Variants in FRMD4A observed in about 807,000 individuals in gnomAD.
The protein encoded by FRMD4A is FERM domain-containing protein 4A.
In FRMD4A, 29 loss-of-function variants were observed where a neutral mutation model predicts 129.1. The observed-to-expected ratio is 0.22, with a 90% confidence interval of 0.17 to 0.31. The LOEUF (loss-of-function observed/expected upper bound fraction) is 0.31, where lower values mean the gene tolerates loss of function less well. Ranked by LOEUF, FRMD4A falls within the 10% of genes least tolerant of loss-of-function variation. FRMD4A has a pLI of 1.00. For synonymous variants in FRMD4A, 634 were observed against 571.6 expected (o/e 1.11, Z -1.56); for missense variants, 1,272 against 1,375.8 (o/e 0.92, Z 1.19).
intron 2 of FRMD4A, among the ~76,000 whole-genome samples, chr10:14,063,178 C>T (rs916146908): frequency 1.3e-5 from 2 of 149,658 alleles, no homozygotes; most frequent in African/African-American, 2.5e-5. Context: ...AATAAATCTG[C>T]TTTTTTTTTT....
intron 8 of FRMD4A, among the ~76,000 whole-genome samples, chr10:13,751,153 A>G (rs1242435901): frequency 6.6e-6 from 1 of 152,176 alleles, no homozygotes; most frequent in Non-Finnish European, 1.5e-5. Flanking sequence ...TCTAAAGTAT[A>G]TTTGGGGAAG....
intron 2 of FRMD4A, among the ~76,000 whole-genome samples, chr10:13,915,754 GCTTT>G (rs970347564): frequency 3.9e-5 from 6 of 152,028 alleles, no homozygotes; most frequent in African/African-American, 1.4e-4. Flanking sequence ...CAAGGAGGTG[GCTTT>G]CTGGAAGCGG....
intron 2 of FRMD4A, among the ~76,000 whole-genome samples, chr10:14,212,360 T>A (rs1051656881): frequency 6.6e-6 from 1 of 152,166 alleles, no homozygotes; most frequent in Non-Finnish European, 1.5e-5. Flanking sequence ...TTCAGCTTCA[T>A]CTAAATGACC....
At chr10:14,315,971 A>G (rs1244755148) in intron 2 of FRMD4A, among the ~76,000 whole-genome samples, 1 of 152,198 alleles carries the variant, frequency 6.6e-6, no homozygotes, top group Non-Finnish European at 1.5e-5. Flanking sequence ...ACTGATCTCC[A>G]ATTCTACCAG....
chr10:14,323,406 A>G (rs1843141839), intron 2 of FRMD4A, among the ~76,000 whole-genome samples: 1 of 152,170 alleles, frequency 6.6e-6, no homozygotes, highest in Non-Finnish European at 1.5e-5. Flanking sequence ...AGACGGTGAG[A>G]TTTGTTCAAA....
chr10:13,950,191 A>G (rs2095361929), intron 2 of FRMD4A, among the ~76,000 whole-genome samples: 1 of 152,234 alleles, frequency 6.6e-6, no homozygotes, highest in Non-Finnish European at 1.5e-5. Context: ...GAGTGGCTTT[A>G]GGGGATGCTA....
chr10:13,784,721 G>A (rs2092812659), intron 5 of FRMD4A, among the ~76,000 whole-genome samples: 1 of 152,160 alleles, frequency 6.6e-6, no homozygotes, highest in South Asian at 2.1e-4. Flanking sequence ...AGGCGCGGTG[G>A]CTCACACCTG....
At chr10:13,762,830 C>T (rs75592950) in intron 6 of FRMD4A, 150 bp from the exon 7 acceptor site, 13,018 of 623,360 alleles carry the variant, frequency 0.021, 614 homozygotes, top group South Asian at 0.11. Flanking sequence ...GCTGCCTCTA[C>T]AGAAAATTTA....
At chr10:14,091,365 T>G (rs1836651933) in intron 2 of FRMD4A, among the ~76,000 whole-genome samples, 1 of 152,142 alleles carries the variant, frequency 6.6e-6, no homozygotes, top group Admixed American at 6.5e-5. Context: ...GCGCTGTGTG[T>G]ATAAAGGTTT....
At chr10:13,720,467 T>C (rs2089307855) in intron 12 of FRMD4A, among the ~76,000 whole-genome samples, 1 of 152,184 alleles carries the variant, frequency 6.6e-6, no homozygotes, top group Admixed American at 6.5e-5. Context: ...GCAACTTTTA[T>C]CCATTCAACA....
intron 13 of FRMD4A, among the ~76,000 whole-genome samples, chr10:13,702,850 C>T (rs7088678): frequency 0.98 from 146,798 of 150,000 alleles, 71,917 homozygotes; most frequent in East Asian, 1. Flanking sequence ...AATTCAGATC[C>T]GGTGGTTAAT....
At chr10:14,323,782 C>T (rs1032525429) in intron 2 of FRMD4A, among the ~76,000 whole-genome samples, 4 of 152,170 alleles carry the variant, frequency 2.6e-5, no homozygotes, top group Non-Finnish European at 5.9e-5. Context: ...CATCTCTGTA[C>T]CCAGTAATTG....
rs1345883085 is a variant in FRMD4A at position 13,643,931 on chromosome 10, C to T, written c.*3107G>A. Reference sequence around the variant, plus strand: ...CAGTCAGTTTCAGGAGCAACCTAATCTTTTTTCCCCCATTATTAAACTAGA... The same window carrying T: ...CAGTCAGTTTCAGGAGCAACCTAATTTTTTTTCCCCCATTATTAAACTAGA... On this transcript the variant is annotated 3_prime_UTR_variant, in exon 25 of 25. Coordinates refer to ENST00000357447, the MANE Select transcript of FRMD4A (RefSeq NM_018027.5). 6.6e-6 allele frequency: 1 copy of T among 152,588 alleles called. No homozygotes were observed. Among genetic ancestry groups the T allele is most frequent in the Non-Finnish European group, 1.5e-5 (1 of 68,028 alleles). 9.5% of individuals were successfully genotyped at this position (152,588 alleles called of 1,614,324 possible). A position where few individuals can be genotyped will look rare whatever the true frequency, so the allele number is the denominator to read the frequency against.
At chr10:14,205,528 C>T (rs905063328) in intron 2 of FRMD4A, among the ~76,000 whole-genome samples, 11 of 152,002 alleles carry the variant, frequency 7.2e-5, no homozygotes, top group Non-Finnish European at 1.6e-4. Context: ...AATTATGGGC[C>T]GGGTGCGGTG....
chr10:14,173,081 G>A (rs1207048666), intron 2 of FRMD4A, among the ~76,000 whole-genome samples: 1 of 152,102 alleles, frequency 6.6e-6, no homozygotes, highest in East Asian at 1.9e-4. Context: ...CATTACACAG[G>A]GCATCAAAGA....
intron 2 of FRMD4A, among the ~76,000 whole-genome samples, chr10:14,128,223 C>T (rs554386714): frequency 1.1e-4 from 17 of 151,704 alleles, no homozygotes; most frequent in African/African-American, 4.1e-4. Context: ...CCCACCTCAG[C>T]CTGCTGAGTA....
rs1170311019 is a variant in FRMD4A, at chr10:14,077,029, C to T, written c.46-218117G>A. Reference sequence around the variant, plus strand: ...GAGAAGATAGCTCTTGGGGGTTTTGCCCTTTGAGCCTCTCACAGAGGTCCT... The same window carrying T: ...GAGAAGATAGCTCTTGGGGGTTTTGTCCTTTGAGCCTCTCACAGAGGTCCT... On this transcript the variant is annotated intron_variant, in intron 2 of 24. Coordinates refer to ENST00000357447, the MANE Select transcript of FRMD4A (RefSeq NM_018027.5). Among the ~76,000 whole-genome samples the T allele has an allele frequency of 3.9e-5, 6 of 152,054 alleles. No homozygotes were observed. The East Asian group carries it at 9.7e-4, about 24-fold the overall frequency.
intron 12 of FRMD4A, among the ~76,000 whole-genome samples, chr10:13,709,959 G>GA (rs1372508816): frequency 4.6e-5 from 7 of 151,994 alleles, no homozygotes; most frequent in Non-Finnish European, 1.0e-4. Context: ...GGTGATTTAT[G>GA]AGATTTTGGT....
chr10:13,697,472 A>G (rs574609989), intron 14 of FRMD4A, among the ~76,000 whole-genome samples: 1 of 152,242 alleles, frequency 6.6e-6, no homozygotes, highest in Non-Finnish European at 1.5e-5. Context: ...AATGGAAAAT[A>G]TCACAGCGAC....
Sources: gnomAD v4.1 joint callset for allele counts (sites outside exome capture counted in the v4.1 genomes callset) on GRCh38, gnomAD v4.1.1 for gene constraint, MANE v1.5 for transcripts, NCBI Gene and HGNC (gene_info 2026-07-23, HGNC 2026-07-21) for gene names.